ROBO2: variants seen among roughly 807,000 people sequenced by gnomAD.
ROBO2 encodes the protein roundabout guidance receptor 2, also known as roundabout homolog 2.
In ROBO2, 53 loss-of-function variants were observed where a neutral mutation model predicts 160.8. The observed-to-expected ratio is 0.33, with a 90% CI of 0.26 to 0.41. ROBO2 has a LOEUF of 0.41. ROBO2 is among the 10% of genes least tolerant of loss of function. ROBO2 has a pLI of 1.00. For missense variants in ROBO2, 1,577 were observed against 1,722.4 expected, an observed-to-expected ratio of 0.92 and a Z score of 1.49; for synonymous variants, 664 against 611.7, an observed-to-expected ratio of 1.09 and a Z score of -1.26.
chr3:76,032,065 T>C (rs966520602), intron 2 of ROBO2, among the ~76,000 whole-genome samples: 2 of 152,228 alleles, frequency 1.3e-5, no homozygotes, highest in Admixed American at 1.3e-4. Flanking sequence ...ACATTCAACT[T>C]CTTCCTGGTT....
chr3:76,420,528 C>G (rs2075951150), intron 2 of ROBO2, among the ~76,000 whole-genome samples: 1 of 152,108 alleles, frequency 6.6e-6, no homozygotes, highest in Non-Finnish European at 1.5e-5. Context: ...ACATTTAAGA[C>G]AAGAATTAGT....
intron 2 of ROBO2, among the ~76,000 whole-genome samples, chr3:76,447,276 A>G (rs1445204893): frequency 6.6e-6 from 1 of 152,230 alleles, no homozygotes; most frequent in Non-Finnish European, 1.5e-5. Flanking sequence ...ATGCAGCCAA[A>G]AAACACATGA....
At chr3:77,564,797 A>G (rs549531227) in intron 11 of ROBO2, among the ~76,000 whole-genome samples, 157 bp from the exon 13 acceptor site, 1 of 152,032 alleles carries the variant, frequency 6.6e-6, no homozygotes, top group African/African-American at 2.4e-5. Context: ...AATTGAAATC[A>G]TCCAAATGTT....
At chr3:77,154,707 A>G (rs747593834) in intron 2 of ROBO2, among the ~76,000 whole-genome samples, 1 of 152,062 alleles carries the variant, frequency 6.6e-6, no homozygotes, top group Non-Finnish European at 1.5e-5. Flanking sequence ...AGAAAATCAT[A>G]TCTTCTGCAG....
Position 76,995,107 on chromosome 3 carries a change from C to G in ROBO2, c.110-102907C>G, listed in dbSNP as rs1383153323. 1.1e-3 allele frequency among the ~76,000 whole-genome samples: 115 copies of G among 100,328 alleles called. 4 individuals are homozygous for G. The highest frequency in any genetic ancestry group is 5.1e-3 in the African/African-American group (110 of 21,432). The allele number at this position is 100,328 out of a possible 152,430, so 65.8% of individuals were successfully genotyped here. On this transcript the variant is annotated intron_variant, in intron 2 of 26. Coordinates refer to the ROBO2 transcript ENST00000487694. ...AATGCTATCCCTCCCCAAGACCCCC[C>G]ACCCCCAACAGGCCCCAGTGTGTGA...
intron 2 of ROBO2, among the ~76,000 whole-genome samples, chr3:76,389,151 T>C (rs370945782): frequency 6.6e-6 from 1 of 152,212 alleles, no homozygotes; most frequent in Admixed American, 6.5e-5. Context: ...ATTTTGGGTA[T>C]GCAGGTCAGT....
At chr3:77,355,813 CA>C (rs1472158947) in intron 2 of ROBO2, among the ~76,000 whole-genome samples, 1 of 151,102 alleles carries the variant, frequency 6.6e-6, no homozygotes, top group African/African-American at 2.4e-5. Context: ...ACACCATAAT[CA>C]AAACTGTAAA....
chr3:76,048,619 A>G (rs1421467227), intron 2 of ROBO2, among the ~76,000 whole-genome samples: 1 of 152,226 alleles, frequency 6.6e-6, no homozygotes, highest in Non-Finnish European at 1.5e-5. Flanking sequence ...TAGTTAAAAA[A>G]ACAATATGGA....
chr3:77,357,112 T>G (rs1352760809), intron 2 of ROBO2, among the ~76,000 whole-genome samples: 5 of 152,132 alleles, frequency 3.3e-5, no homozygotes, highest in Non-Finnish European at 2.9e-5. Context: ...GCAAGGGCCT[T>G]TCGTGTATTT....
At chr3:76,561,508 T>C (rs1305699857) in intron 2 of ROBO2, among the ~76,000 whole-genome samples, 1 of 152,194 alleles carries the variant, frequency 6.6e-6, no homozygotes, top group East Asian at 1.9e-4. Context: ...TTGCCATAAA[T>C]AACTGATTAT....
At chr3:77,500,659 A>G (rs1582497491) in intron 5 of ROBO2, among the ~76,000 whole-genome samples, 1 of 152,212 alleles carries the variant, frequency 6.6e-6, no homozygotes, top group Non-Finnish European at 1.5e-5. Context: ...AACTGAAGAT[A>G]TAGATTTTGT....
intron 2 of ROBO2, among the ~76,000 whole-genome samples, chr3:76,363,867 T>C (rs1020138048): frequency 2.0e-5 from 3 of 152,052 alleles, no homozygotes; most frequent in Non-Finnish European, 2.9e-5. Flanking sequence ...TTAAATTTCT[T>C]AATCTGGGAC....
intron 2 of ROBO2, among the ~76,000 whole-genome samples, chr3:76,648,108 G>A (rs1034671839): frequency 1.3e-5 from 2 of 151,112 alleles, no homozygotes; most frequent in African/African-American, 2.4e-5. Context: ...GCATGTTTTT[G>A]GGATATTAGT....
intron 2 of ROBO2, among the ~76,000 whole-genome samples, chr3:77,129,342 T>G (rs1441968506): frequency 6.6e-6 from 1 of 152,204 alleles, no homozygotes; most frequent in Non-Finnish European, 1.5e-5. Flanking sequence ...TTTAAATCAT[T>G]ATAACTAGGC....
chr3:77,287,930 C>T (rs2060721520), intron 2 of ROBO2, among the ~76,000 whole-genome samples: 1 of 152,018 alleles, frequency 6.6e-6, no homozygotes, highest in South Asian at 2.1e-4. Flanking sequence ...CCTTTAGGAT[C>T]AGTGACAATA....
intron 2 of ROBO2, among the ~76,000 whole-genome samples, chr3:77,128,318 T>C (rs1298485489): frequency 1.3e-5 from 2 of 152,136 alleles, no homozygotes; most frequent in African/African-American, 2.4e-5. Context: ...AGGGGCGCTA[T>C]CCTCTCATTA....
At chr3:77,322,754 TATA>T (rs1381952013) in intron 2 of ROBO2, among the ~76,000 whole-genome samples, 1 of 139,288 alleles carries the variant, frequency 7.2e-6, no homozygotes, top group African/African-American at 2.6e-5. Flanking sequence ...TTTATTTATA[TATA>T]ATATATTATA....
At chr3:76,729,320 A>T (rs1459685020) in intron 2 of ROBO2, among the ~76,000 whole-genome samples, 1 of 152,116 alleles carries the variant, frequency 6.6e-6, no homozygotes, top group Non-Finnish European at 1.5e-5. Flanking sequence ...AGGATATAGT[A>T]ATAAAAATCA....
rs549728896 is a variant in ROBO2 at position 76,601,531 on chromosome 3, G to C, written c.110-496483G>C. ...TCAACACCACATGGAAACTTCCAAGGCTTGGGGCTTCCACCCTCTGAATCA... is the reference window on the plus strand; with the variant it reads ...TCAACACCACATGGAAACTTCCAAGCCTTGGGGCTTCCACCCTCTGAATCA... On this transcript the variant is annotated intron_variant, in intron 2 of 26. Transcript: ENST00000487694. Among the ~76,000 whole-genome samples, 21 of 152,304 alleles carry C rather than the reference G, an allele frequency of 1.4e-4. 1 individual carries two copies. The highest frequency in any genetic ancestry group is 2.4e-4 in the Non-Finnish European group (16 of 68,036).
Sources: gnomAD v4.1 joint callset for allele counts (sites outside exome capture counted in the v4.1 genomes callset) on GRCh38, gnomAD v4.1.1 for gene constraint, MANE v1.5 for transcripts, NCBI Gene and HGNC (gene_info 2026-07-23, HGNC 2026-07-21) for gene names.